Variants in PTPRG observed in about 807,000 individuals in gnomAD.
PTPRG encodes the protein protein tyrosine phosphatase receptor type G.
PTPRG carries 102 observed loss-of-function variants against 165.3 expected under a neutral mutation model. That is an observed-to-expected ratio of 0.62 (90% CI 0.53 to 0.73). PTPRG has a LOEUF of 0.73. Among genes scored for constraint, PTPRG ranks in the 30% least tolerant of loss-of-function variants. The probability of loss-of-function intolerance (pLI) is 0.00; values close to 1 mark genes in which losing one functional copy is unlikely to be tolerated. For missense variants in PTPRG, 1,866 were observed against 1,861.4 expected (o/e 1.00, Z -0.05); for synonymous variants, 675 against 669.5 (o/e 1.01, Z -0.13).
intron 2 of PTPRG, among the ~76,000 whole-genome samples, chr3:61,782,247 A>G (rs1278505610): frequency 6.6e-6 from 1 of 152,224 alleles, no homozygotes; most frequent in Admixed American, 6.5e-5. Context: ...AAACTTGCTT[A>G]AAGATGAGCT....
chr3:61,597,479 C>T (rs1700732329), intron 1 of PTPRG, among the ~76,000 whole-genome samples: 6 of 152,192 alleles, frequency 3.9e-5, no homozygotes, highest in Admixed American at 3.9e-4. Context: ...TGGTATAGAA[C>T]ATTTAATGTT....
At chr3:61,608,405 G>T (rs1179851076) in intron 1 of PTPRG, among the ~76,000 whole-genome samples, 1 of 152,188 alleles carries the variant, frequency 6.6e-6, no homozygotes, top group African/African-American at 2.4e-5. Flanking sequence ...GTGTGTAATG[G>T]AATTGGGAGG....
At chr3:61,649,322 G>C (rs1702286223) in intron 1 of PTPRG, among the ~76,000 whole-genome samples, 1 of 152,050 alleles carries the variant, frequency 6.6e-6, no homozygotes, top group Non-Finnish European at 1.5e-5. Flanking sequence ...GCCTGGCTTT[G>C]GTAATTTATA....
intron 23 of PTPRG, among the ~76,000 whole-genome samples, chr3:62,274,274 AAGAATT>A (rs1702164498): frequency 6.6e-6 from 1 of 152,196 alleles, no homozygotes; most frequent in African/African-American, 2.4e-5. Context: ...GGAATTTAAA[AAGAATT>A]ACTAAACAAT....
chr3:62,187,813 A>G (rs942695322), intron 8 of PTPRG, among the ~76,000 whole-genome samples: 1 of 152,160 alleles, frequency 6.6e-6, no homozygotes, highest in Non-Finnish European at 1.5e-5. Context: ...ATAGCTCCTC[A>G]GCCTGCAAAG....
chr3:61,614,458 G>A (rs578077254), intron 1 of PTPRG, among the ~76,000 whole-genome samples: 1 of 121,708 alleles, frequency 8.2e-6, no homozygotes, highest in South Asian at 2.8e-4. Flanking sequence ...TTCCCAGGCT[G>A]GAGTGCAGTG....
At chr3:62,277,811 C>G in intron 26 of PTPRG, 132 bp downstream of exon 26, 2 of 1,120,000 alleles carry the variant, frequency 1.8e-6, no homozygotes, top group Non-Finnish European at 2.5e-6. Flanking sequence ...AAATTCTCAT[C>G]TTGAAGTCTG....
In PTPRG at chr3:61,753,585, G is replaced by GATTTTT; in HGVS notation, c.190+4603_190+4604insATTTTT. 5.0e-5 allele frequency: 18 copies of GATTTTT among 362,966 alleles called. 1 individual carries two copies. The highest frequency in any genetic ancestry group is 9.1e-5 in the East Asian group (1 of 10,990). 22.5% of individuals were successfully genotyped at this position (362,966 alleles called of 1,614,324 possible). A position where few individuals can be genotyped will look rare whatever the true frequency, so the allele number is the denominator to read the frequency against. On this transcript the variant is annotated intron_variant, in intron 2 of 29. Coordinates refer to ENST00000474889, the MANE Select transcript of PTPRG (RefSeq NM_002841.4). ...AGTAACTTCAAGTAGAAATTTGAGG[G>GATTTTT]TTTTTTTTTTTTTTTTGGAGATTGG... is the stretch of plus-strand genomic sequence containing the variant.
chr3:61,770,232 G>A (rs550798831), intron 2 of PTPRG: 3 of 152,120 alleles, frequency 2.0e-5, no homozygotes, highest in Non-Finnish European at 4.4e-5. Context: ...TGGGGTATAT[G>A]TTGGTCCTCA....
In PTPRG at chr3:61,637,272, A is replaced by G. The variant is rs60665805; in HGVS notation, c.85+74900A>G. ...GTTGTGACATCCAGCAGCTCAGACT[A>G]CAATTTGAATTCTGGCTCTTGTCCC... On this transcript the variant is annotated intron_variant, in intron 1 of 29. Coordinates refer to ENST00000474889, the MANE Select transcript of PTPRG (RefSeq NM_002841.4). Among the ~76,000 whole-genome samples the G allele has an allele frequency of 9.9e-3, 1,501 of 152,342 alleles. 22 individuals carry two copies. The highest frequency in any genetic ancestry group is 0.034 in the African/African-American group (1,409 of 41,582).
intron 4 of PTPRG, among the ~76,000 whole-genome samples, chr3:62,065,351 A>G (rs979755649): frequency 4.6e-5 from 7 of 152,160 alleles, no homozygotes; most frequent in Non-Finnish European, 7.3e-5. Flanking sequence ...GCATGAGACC[A>G]GGGCTGAAAA....
At chr3:62,031,590 T>G (rs1199336212) in intron 4 of PTPRG, among the ~76,000 whole-genome samples, 1 of 152,188 alleles carries the variant, frequency 6.6e-6, no homozygotes, top group African/African-American at 2.4e-5. Context: ...TCCTGGTAGA[T>G]GACCGGGAAT....
chr3:62,167,607 A>T (rs1165421528), intron 7 of PTPRG, among the ~76,000 whole-genome samples: 1 of 152,188 alleles, frequency 6.6e-6, no homozygotes, highest in Non-Finnish European at 1.5e-5. Flanking sequence ...GCTCCGGGAC[A>T]TAACAGTTTG....
chr3:61,716,182 G>A (rs1045919749), intron 1 of PTPRG, among the ~76,000 whole-genome samples: 16 of 152,154 alleles, frequency 1.1e-4, no homozygotes, highest in Admixed American at 2.6e-4. Context: ...TGGGGATCAC[G>A]TCACAACTCT....
At chr3:61,764,814 A>C (rs1465004851) in intron 2 of PTPRG, among the ~76,000 whole-genome samples, 1 of 152,228 alleles carries the variant, frequency 6.6e-6, no homozygotes, top group Non-Finnish European at 1.5e-5. Context: ...AGTAGTTCTC[A>C]AGTGGGGACT....
At chr3:62,123,023 G>T (rs1052111000) in intron 5 of PTPRG, among the ~76,000 whole-genome samples, 2 of 152,120 alleles carry the variant, frequency 1.3e-5, no homozygotes, top group South Asian at 2.1e-4. Context: ...CTTGGCATAC[G>T]GTTATCTACT....
rs1700588523 is a variant in PTPRG, at chr3:62,219,129, G to A, written c.2288+146G>A. 4 of 1,118,464 alleles carry A rather than the reference G, an allele frequency of 3.6e-6. No homozygotes were observed. The highest frequency in any genetic ancestry group is 5.1e-6 in the Non-Finnish European group (4 of 788,750). 69.3% of individuals were successfully genotyped at this position (1,118,464 alleles called of 1,614,324 possible). ...GTCTTGCCACCCGGAAGGCCATCTT[G>A]TCTCTGTTAGATGATGGCAGGGCCA... On this transcript the variant is annotated intron_variant, in intron 13 of 29. Coordinates refer to ENST00000474889, the MANE Select transcript of PTPRG (RefSeq NM_002841.4). This position sits in a 1 kb window ranked among gnomAD's most constrained non-coding sequence, Gnocchi z 4.5.
At chr3:62,094,075 A>G (rs1043052828) in intron 5 of PTPRG, among the ~76,000 whole-genome samples, 1 of 152,234 alleles carries the variant, frequency 6.6e-6, no homozygotes. Flanking sequence ...TAAAGTAGGG[A>G]CTTCTATCCC....
intron 2 of PTPRG, among the ~76,000 whole-genome samples, chr3:61,882,328 G>C (rs1443794856): frequency 6.6e-6 from 1 of 152,178 alleles, no homozygotes; most frequent in Non-Finnish European, 1.5e-5. Flanking sequence ...GGCTAGGTTT[G>C]TTAAATAGAT....
Sources: gnomAD v4.1 joint callset for allele counts (sites outside exome capture counted in the v4.1 genomes callset) on GRCh38, gnomAD v4.1.1 for gene constraint, Gnocchi (gnomAD v3.1) non-coding constraint, MANE v1.5 for transcripts, NCBI Gene and HGNC (gene_info 2026-07-23, HGNC 2026-07-21) for gene names.